The following SNTB1 variants were observed in gnomAD, a reference collection of about 807,000 sequenced individuals.
SNTB1 encodes the protein syntrophin beta 1, also known as beta-1-syntrophin.
A neutral mutation model predicts 48.9 loss-of-function variants in SNTB1; 36 were observed. The observed-to-expected ratio is 0.74, with a 90% confidence interval of 0.56 to 0.97. The LOEUF is 0.97. SNTB1 is among the 50% of genes least tolerant of loss of function. The pLI is 0.00. For synonymous variants in SNTB1, 299 were observed against 294.6 expected (o/e 1.01, Z -0.15); for missense variants, 786 against 703.4 (o/e 1.12, Z -1.33).
At chr8:120,806,927 C>T (rs1820344812) in intron 1 of SNTB1, among the ~76,000 whole-genome samples, 1 of 152,196 alleles carries the variant, frequency 6.6e-6, no homozygotes, top group Admixed American at 6.5e-5. Context: ...CTCGATCATT[C>T]CCACTTCCAC....
rs992196227 is a variant in SNTB1 at position 120,761,018 on chromosome 8, C to T, written c.571+50255G>A. On this transcript the variant is annotated intron_variant, in intron 1 of 6. Coordinates refer to ENST00000517992, the MANE Select transcript of SNTB1 (RefSeq NM_021021.4). The stretch of plus-strand genomic sequence containing the variant: ...GAACACACGCAAAAGTTAAGCAGTC[C>T]GACAGAAAAATGAGCAAAGACTATA... 6.6e-5 allele frequency among the ~76,000 whole-genome samples: 10 copies of T among 151,920 alleles called. No individual in the cohort carries two copies. The East Asian group carries it at 1.2e-3, about 18-fold the overall frequency.
intron 1 of SNTB1, among the ~76,000 whole-genome samples, chr8:120,757,745 A>C (rs1819341977): frequency 2.0e-5 from 3 of 152,142 alleles, no homozygotes; most frequent in Non-Finnish European, 4.4e-5. Context: ...GGCCACTGTG[A>C]CCACAGAGGT....
chr8:120,712,590 G>A (rs971955997), intron 1 of SNTB1, among the ~76,000 whole-genome samples: 1 of 152,000 alleles, frequency 6.6e-6, no homozygotes. Flanking sequence ...TAATTATGTA[G>A]CAACTTAGAA....
At chr8:120,646,645 G>C (rs1339765115) in intron 2 of SNTB1, among the ~76,000 whole-genome samples, 1 of 151,758 alleles carries the variant, frequency 6.6e-6, no homozygotes, top group Non-Finnish European at 1.5e-5. Flanking sequence ...TTGTGTCTCT[G>C]CCCGGCTTTG....
At chr8:120,551,351 A>T (rs7015798) in intron 4 of SNTB1, among the ~76,000 whole-genome samples, 12,912 of 151,872 alleles carry the variant, frequency 0.085, 1,124 homozygotes, top group African/African-American at 0.22. Context: ...TAAATAGCTC[A>T]CCCTGCCTTT....
At chr8:120,795,003 A>G (rs1820098677) in intron 1 of SNTB1, among the ~76,000 whole-genome samples, 1 of 152,102 alleles carries the variant, frequency 6.6e-6, no homozygotes, top group African/African-American at 2.4e-5. Flanking sequence ...AAAGTCACAT[A>G]AATAAAATTG....
At chr8:120,681,332 A>T (rs1295764389) in intron 2 of SNTB1, among the ~76,000 whole-genome samples, 2 of 152,188 alleles carry the variant, frequency 1.3e-5, no homozygotes, top group African/African-American at 4.8e-5. Context: ...GGAGAACAAG[A>T]CAGGCACAAC....
At chr8:120,569,845 G>C (rs949580774) in intron 4 of SNTB1, among the ~76,000 whole-genome samples, 1 of 152,180 alleles carries the variant, frequency 6.6e-6, no homozygotes, top group Non-Finnish European at 1.5e-5. Flanking sequence ...ATTACTTTAA[G>C]TAGCCACATC....
chr8:120,718,804 T>TC (rs1341670184), intron 1 of SNTB1, among the ~76,000 whole-genome samples: 6 of 151,980 alleles, frequency 3.9e-5, no homozygotes, highest in Admixed American at 3.9e-4. Flanking sequence ...GAGTATGTTT[T>TC]CTCTCTGTGG....
chr8:120,801,487 T>C (rs1010247807), intron 1 of SNTB1, among the ~76,000 whole-genome samples: 4 of 152,176 alleles, frequency 2.6e-5, no homozygotes, highest in Non-Finnish European at 4.4e-5. Context: ...GACTGTTCTA[T>C]TTTAGAAGGA....
intron 1 of SNTB1, among the ~76,000 whole-genome samples, chr8:120,724,172 T>C (rs1818716029): frequency 6.6e-6 from 1 of 152,192 alleles, no homozygotes; most frequent in Non-Finnish European, 1.5e-5. Flanking sequence ...CTGGGTACTC[T>C]GCAAAGGAGC....
At chr8:120,570,302 CA>C in intron 4 of SNTB1, 1 of 152,180 alleles carries the variant, frequency 6.6e-6, no homozygotes, top group Non-Finnish European at 1.5e-5. Flanking sequence ...TTGGATTCAG[CA>C]GTCACTCCTT....
intron 3 of SNTB1, among the ~76,000 whole-genome samples, chr8:120,602,635 A>G (rs1816438822): frequency 6.6e-6 from 1 of 152,130 alleles, no homozygotes; most frequent in Non-Finnish European, 1.5e-5. Context: ...GTTTCTATGT[A>G]TCTATCTAGA....
chr8:120,667,083 C>T (rs10108576), intron 2 of SNTB1, among the ~76,000 whole-genome samples: 1,817 of 135,194 alleles, frequency 0.013, 36 homozygotes, highest in African/African-American at 0.045. Context: ...TTTGGTAATT[C>T]TCTCTCTCTC....
At chr8:120,569,700 G>C (rs999829881) in intron 4 of SNTB1, among the ~76,000 whole-genome samples, 9 of 152,228 alleles carry the variant, frequency 5.9e-5, no homozygotes, top group African/African-American at 2.2e-4. Context: ...CTGTCTGATA[G>C]AATTTTGGTG....
intron 1 of SNTB1, among the ~76,000 whole-genome samples, chr8:120,793,152 G>GTTCAT (rs1205297749): frequency 7.9e-5 from 12 of 151,940 alleles, no homozygotes; most frequent in Non-Finnish European, 1.5e-5. Flanking sequence ...AATCACTCAG[G>GTTCAT]ATTTCTGAAG....
chr8:120,586,265 T>C lies in SNTB1; in HGVS notation c.997-11040A>G, dbSNP rs72680575. On this transcript the variant is annotated intron_variant, in intron 3 of 6. Transcript: ENST00000517992. ...AATCCGAATGTTTTTATGTAAACTT[T>C]CCCTATATTTAAAAGCTAGTGTATT... Among the ~76,000 whole-genome samples, 565 of 152,358 alleles carry C rather than the reference T, an allele frequency of 3.7e-3. 1 individual carries two copies. The highest frequency in any genetic ancestry group is 6.2e-3 in the Non-Finnish European group (423 of 68,034).
intron 1 of SNTB1, among the ~76,000 whole-genome samples, chr8:120,797,073 T>C (rs916596837): frequency 3.9e-5 from 6 of 152,164 alleles, no homozygotes; most frequent in East Asian, 3.9e-4. Flanking sequence ...CCCAGGCCTA[T>C]GGCCATTTTC....
Position 120,693,705 on chromosome 8 carries a change from C to T in SNTB1, c.775G>A (p.Asp259Asn), listed in dbSNP as rs772200241. 6.2e-6 allele frequency: 10 copies of T among 1,613,786 alleles called. No homozygotes were observed. Among genetic ancestry groups the T allele is most frequent in the South Asian group, 3.3e-5 (3 of 91,032 alleles). The change falls in exon 2 of 7, where the codon GAC (aspartate) becomes AAC (asparagine). Residue 259 changes from aspartate (D) to asparagine (N), a missense_variant. Coordinates refer to ENST00000517992, the MANE Select transcript of SNTB1 (RefSeq NM_021021.4). Reference sequence around the variant, plus strand: ...GACCCTATTTACCTGTTCTCAGGGTCGGCCAAGGCCATACTCCGAGTGACG... The same window carrying T: ...GACCCTATTTACCTGTTCTCAGGGTTGGCCAAGGCCATACTCCGAGTGACG... Reference protein sequence around the residue: ...CYVTRSMALADPENRQLEIHS... With the variant: ...CYVTRSMALANPENRQLEIHS...
Sources: gnomAD v4.1 joint callset for allele counts (sites outside exome capture counted in the v4.1 genomes callset) on GRCh38, gnomAD v4.1.1 for gene constraint, MANE v1.5 for transcripts, NCBI Gene and HGNC (gene_info 2026-07-23, HGNC 2026-07-21) for gene names.